Variants in DOK7 observed in about 807,000 individuals in gnomAD.
DOK7 encodes docking protein 7.
DOK7 carries 32 observed loss-of-function variants against 30.7 expected under a neutral mutation model. The observed-to-expected ratio is 1.04, with a 90% confidence interval of 0.79 to 1.40. DOK7 has a LOEUF of 1.40. Among genes scored for constraint, DOK7 ranks in the 40% most tolerant of loss-of-function variants. DOK7 has a pLI of 0.00. For missense variants in DOK7, 1,007 were observed against 699.2 expected (o/e 1.44, Z -4.97); for synonymous variants, 447 against 324.1 (o/e 1.38, Z -4.07).
rs148650015 is a variant in DOK7, at chr4:3,485,602, T to G, written c.596T>G (p.Ile199Ser). The stretch of plus-strand genomic sequence containing the variant: ...CAGATCAGCTTCCTGTTCGACTGCA[T>G]CGTCCGAGGCATCTCCCCCACCAAG... Reference protein sequence around the residue: ...GEQISFLFDCIVRGISPTKGP... With the variant: ...GEQISFLFDCSVRGISPTKGP... The change falls in exon 5 of 7, where the codon ATC (isoleucine) becomes AGC (serine). Residue 199 changes from isoleucine (I) to serine (S), a missense_variant. Ile to Ser is a moderately radical substitution (Grantham distance 142). Coordinates refer to ENST00000340083, the MANE Select transcript of DOK7 (RefSeq NM_173660.5). 158 of 1,607,808 alleles carry G rather than the reference T, an allele frequency of 9.8e-5. No homozygotes were observed. The highest frequency in any genetic ancestry group is 1.2e-4 in the Non-Finnish European group (147 of 1,176,978).
chr4:3,494,890 C>T (rs145133261), downstream of DOK7, among the ~76,000 whole-genome samples: 237 of 152,292 alleles, frequency 1.6e-3, 1 homozygote, highest in Middle Eastern at 6.8e-3. Context: ...GTCTCAGTCA[C>T]CCCTGCACAT....
intron 2 of DOK7, among the ~76,000 whole-genome samples, chr4:3,470,224 C>T (rs1168544886): frequency 2.0e-5 from 3 of 152,222 alleles, no homozygotes; most frequent in Non-Finnish European, 4.4e-5. Flanking sequence ...CCTGTGTCTG[C>T]GCCTCCTGTT....
intron 5 of DOK7, 51 bp downstream of exon 5, chr4:3,485,709 C>T (rs777205539): frequency 2.5e-5 from 37 of 1,468,610 alleles, no homozygotes; most frequent in South Asian, 4.2e-5. Context: ...GCAGGCTGTG[C>T]GACGTCCCGG....
chr4:3,476,064 CT>C (rs1249725276), intron 3 of DOK7, among the ~76,000 whole-genome samples: 1 of 152,012 alleles, frequency 6.6e-6, no homozygotes, highest in Non-Finnish European at 1.5e-5. Flanking sequence ...GCCCCTGCCC[CT>C]GCTGCCTCCT....
chr4:3,481,940 G>A (rs554733019), intron 4 of DOK7, among the ~76,000 whole-genome samples: 2 of 152,164 alleles, frequency 1.3e-5, no homozygotes, highest in South Asian at 2.1e-4. Context: ...TTTGCCTGCC[G>A]CTCAGCAACC....
At chr4:3,486,633 C>T (rs761704381) in intron 5 of DOK7, among the ~76,000 whole-genome samples, 9 of 152,218 alleles carry the variant, frequency 5.9e-5, no homozygotes, top group South Asian at 2.1e-4. Flanking sequence ...GCGCCCTCCC[C>T]GCTGCCCTGC....
At chr4:3,479,380 C>G (rs894517439) in intron 4 of DOK7, among the ~76,000 whole-genome samples, 2 of 152,226 alleles carry the variant, frequency 1.3e-5, no homozygotes, top group African/African-American at 4.8e-5. Flanking sequence ...ATTTTGTGGG[C>G]CACCATTTGG....
At chr4:3,483,256 C>T (rs542071594) in intron 4 of DOK7, among the ~76,000 whole-genome samples, 42 of 128,188 alleles carry the variant, frequency 3.3e-4, no homozygotes, top group African/African-American at 1.1e-3. Context: ...AGGGTGGGGA[C>T]GGCAGCCTCC....
chr4:3,499,036 C>T (rs1197456267), downstream of DOK7, among the ~76,000 whole-genome samples: 1 of 152,252 alleles, frequency 6.6e-6, no homozygotes, highest in African/African-American at 2.4e-5. Context: ...AGCCCTGCTG[C>T]AGGGAGTGAC....
intron 2 of DOK7, among the ~76,000 whole-genome samples, chr4:3,472,977 G>A (rs974292745): frequency 7.2e-5 from 11 of 152,196 alleles, no homozygotes; most frequent in East Asian, 5.8e-4. Flanking sequence ...CTGGCAGGGC[G>A]GCAGGATAGG....
chr4:3,466,139 C>T (rs1244474734), intron 2 of DOK7, among the ~76,000 whole-genome samples: 6 of 150,692 alleles, frequency 4.0e-5, no homozygotes, highest in African/African-American at 1.2e-4. Flanking sequence ...CTCAGAAACC[C>T]GAGGGATCTG....
At chr4:3,489,648 T>G (rs1488303879) in intron 5 of DOK7, 29 bp from the exon 6 acceptor site, 1 of 1,560,016 alleles carries the variant, frequency 6.4e-7, no homozygotes, top group Admixed American at 1.9e-5. Context: ...GGTGGCCACC[T>G]CCTCCACCGA....
In DOK7 at chr4:3,493,196, C is replaced by A; in HGVS notation, c.1210C>A (p.His404Asn). Residue 404 changes from histidine to asparagine, a missense_variant, in exon 7 of 7, where the codon CAC (histidine) becomes AAC (asparagine). Physicochemically the swap from His to Asn is moderately conservative, Grantham distance 68. Transcript: ENST00000340083. ...EYQVPTSLRA[H>N]YDTPRSLCLA... is the part of the protein sequence containing the mutation. Reference sequence around the variant, plus strand: ...CCAGGTGCCCACCTCCCTGCGGGCCCACTATGACACACCACGCAGCCTTTG... The same window carrying A: ...CCAGGTGCCCACCTCCCTGCGGGCCAACTATGACACACCACGCAGCCTTTG... 6.2e-7 allele frequency: 1 copy of A among 1,611,328 alleles called. No homozygotes were observed. Among genetic ancestry groups the A allele is most frequent in the Non-Finnish European group, 8.5e-7 (1 of 1,179,464 alleles).
intron 3 of DOK7, among the ~76,000 whole-genome samples, chr4:3,475,653 G>A (rs1357710367): frequency 6.6e-6 from 1 of 152,076 alleles, no homozygotes; most frequent in Non-Finnish European, 1.5e-5. Context: ...TGAGGTTCCC[G>A]TGGCCAGGCT....
chr4:3,490,250 C>T (rs1372335147), intron 6 of DOK7, among the ~76,000 whole-genome samples: 250 of 122,370 alleles, frequency 2.0e-3, no homozygotes, highest in South Asian at 4.4e-3. Context: ...TTCCTTTTCT[C>T]CCTGCTCATT....
intron 3 of DOK7, 55 bp from the exon 4 acceptor site, chr4:3,476,287 T>G: frequency 9.0e-6 from 6 of 669,446 alleles, no homozygotes; most frequent in East Asian, 5.4e-5. Context: ...CACCCGCCCG[T>G]GATGTCCTCT....
In DOK7 at chr4:3,476,503, A is replaced by G. The variant is rs1470827824; in HGVS notation, c.493A>G (p.Ser165Gly). ...CCTCCGGCGCTACGGGGCCGTGCCA[A>G]GCGGATTCATCTTTGAAGGCGGGAC... ...SDLRRYGAVP[S>G]GFIFEGGTRC... The change falls in exon 4 of 7, where the codon AGC (serine) becomes GGC (glycine). Residue 165 changes from serine (S) to glycine (G), a missense_variant. By Grantham distance (56) the Ser-to-Gly change is moderately conservative. Transcript: ENST00000340083. 2 of 1,613,814 alleles carry G rather than the reference A, an allele frequency of 1.2e-6. No individual in the cohort carries two copies. The highest frequency in any genetic ancestry group is 3.3e-5 in the Admixed American group (2 of 60,020).
In DOK7 at chr4:3,493,286, T is replaced by C; in HGVS notation, c.1300T>C (p.Ser434Pro). The C allele has an allele frequency of 6.2e-7, 1 of 1,609,714 alleles. No homozygotes were observed. Among genetic ancestry groups the C allele is most frequent in the Non-Finnish European group, 8.5e-7 (1 of 1,178,646 alleles). Reference protein sequence around the residue: ...GSPGNSAARDSGGQTSAGCPS... With the variant: ...GSPGNSAARDPGGQTSAGCPS... ...CCCCGGCAACAGTGCGGCCAGGGAC[T>C]CAGGCGGCCAGACGTCCGCCGGGTG... Residue 434 changes from serine to proline, a missense_variant, in exon 7 of 7, where the codon TCA becomes CCA. By Grantham distance (74) the Ser-to-Pro change is moderately conservative. Coordinates refer to ENST00000340083, the MANE Select transcript of DOK7 (RefSeq NM_173660.5).
rs1560233587 is a variant in DOK7, at chr4:3,493,207, A to C, written c.1221A>C (p.Thr407=). 2 of 1,611,598 alleles carry C rather than the reference A, an allele frequency of 1.2e-6. No homozygotes were observed. Among genetic ancestry groups the C allele is most frequent in the South Asian group, 1.1e-5 (1 of 90,940 alleles). ...VPTSLRAHYD[T]PRSLCLAPRD... Reference sequence around the variant, plus strand: ...CCTCCCTGCGGGCCCACTATGACACACCACGCAGCCTTTGCCTGGCTCCTA... The same window carrying C: ...CCTCCCTGCGGGCCCACTATGACACCCCACGCAGCCTTTGCCTGGCTCCTA... Residue 407 remains threonine, a synonymous_variant, in exon 7 of 7, where the codon ACA becomes ACC. Coordinates refer to ENST00000340083, the MANE Select transcript of DOK7 (RefSeq NM_173660.5).
Sources: allele counts gnomAD v4.1 joint callset (sites outside exome capture counted in the v4.1 genomes callset), GRCh38; gene constraint gnomAD v4.1.1; transcripts MANE v1.5; gene names NCBI Gene and HGNC (gene_info 2026-07-23, HGNC 2026-07-21).